ZEB2: variants seen among roughly 807,000 people sequenced by gnomAD.
ZEB2 encodes the protein zinc finger E-box-binding homeobox 2.
ZEB2 carries 6 observed loss-of-function variants against 99.9 expected under a neutral mutation model. That is an observed-to-expected ratio of 0.06 (90% CI 0.03 to 0.12). The LOEUF is 0.12. ZEB2 is among the 10% of genes least tolerant of loss of function. The pLI, the probability that ZEB2 is intolerant of heterozygous loss-of-function variation, is 1.00. For missense variants in ZEB2, 969 were observed against 1,502.8 expected, an observed-to-expected ratio of 0.64 and a Z score of 5.87; for synonymous variants, 517 against 542.5, an observed-to-expected ratio of 0.95 and a Z score of 0.65.
chr2:144,478,049 G>A (rs762034188), intron 2 of ZEB2, among the ~76,000 whole-genome samples: 50 of 152,166 alleles, frequency 3.3e-4, no homozygotes, highest in Non-Finnish European at 6.3e-4. Flanking sequence ...ACCCATGGAT[G>A]CCCAGCCAGG....
chr2:144,396,486 A>C lies in ZEB2; in HGVS notation c.2993T>G (p.Met998Arg). 1 of 1,614,178 alleles carries C rather than the reference A, an allele frequency of 6.2e-7. No homozygotes were observed. The highest frequency in any genetic ancestry group is 8.5e-7 in the Non-Finnish European group (1 of 1,180,004). Residue 998 changes from methionine (M) to arginine (R), a missense_variant, in exon 9 of 10, where the codon ATG (methionine) becomes AGG (arginine). Coordinates refer to ENST00000627532, the MANE Select transcript of ZEB2 (RefSeq NM_014795.4). ...RKKIKKTESG[M>R]YACDLCDKTF... is the part of the protein sequence containing the mutation. The stretch of plus-strand genomic sequence containing the variant: ...CTTGTCACATAAGTCACATGCATAC[A>C]TGCCACTCTCTGTCTTCTTGATCTT...
intron 2 of ZEB2, among the ~76,000 whole-genome samples, chr2:144,452,755 TGA>T (rs1704071294): frequency 6.6e-6 from 1 of 152,098 alleles, no homozygotes; most frequent in African/African-American, 2.4e-5. Flanking sequence ...GTATTTAATC[TGA>T]CACCGCCAGG....
At chr2:144,502,156 T>C (rs1466962276) in intron 2 of ZEB2, among the ~76,000 whole-genome samples, 1 of 152,212 alleles carries the variant, frequency 6.6e-6, no homozygotes, top group Non-Finnish European at 1.5e-5. Context: ...CACCGGTTAT[T>C]AGCAGCAGCA....
intron 2 of ZEB2, among the ~76,000 whole-genome samples, chr2:144,441,068 G>A (rs1350486329): frequency 6.8e-6 from 1 of 147,088 alleles, no homozygotes; most frequent in Non-Finnish European, 1.5e-5. Flanking sequence ...CACCAGACAC[G>A]GCTCTGCTTG....
intron 2 of ZEB2, among the ~76,000 whole-genome samples, chr2:144,489,007 C>T (rs1704639590): frequency 1.3e-5 from 2 of 152,110 alleles, no homozygotes; most frequent in South Asian, 2.1e-4. Flanking sequence ...TTTAAAAAGG[C>T]ATGAATGTTC....
chr2:144,473,053 G>A (rs986774114), intron 2 of ZEB2, among the ~76,000 whole-genome samples: 3 of 152,194 alleles, frequency 2.0e-5, no homozygotes, highest in African/African-American at 7.2e-5. Context: ...TGTGGTGGGA[G>A]AGGGGAAAGA....
chr2:144,407,482 T>C (rs898906763), intron 4 of ZEB2, among the ~76,000 whole-genome samples: 31 of 152,220 alleles, frequency 2.0e-4, no homozygotes, highest in Non-Finnish European at 4.4e-4. Flanking sequence ...ACTGAGCCCC[T>C]ATGGAGTATG....
intron 1 of ZEB2, chr2:144,517,707 G>A (rs1292711794): frequency 8.5e-6 from 6 of 702,856 alleles, no homozygotes; most frequent in South Asian, 1.5e-5. Flanking sequence ...AATGCACACG[G>A]CGGTACAGTA....
In ZEB2 at chr2:144,385,637, A is replaced by G. The variant is rs1363091538; in HGVS notation, c.*3814T>C. The stretch of plus-strand genomic sequence containing the variant: ...ACAATGTGTGGGGCTCCAGATATAC[A>G]CACACTTGTTTGTGTGTATATCCAG... On this transcript the variant is annotated 3_prime_UTR_variant, in exon 10 of 10. Transcript: ENST00000627532. The G allele has an allele frequency of 6.6e-6, 1 of 152,130 alleles. No homozygotes were observed. Among genetic ancestry groups the G allele is most frequent in the African/African-American group, 2.4e-5 (1 of 41,426 alleles). 9.4% of individuals were successfully genotyped at this position (152,130 alleles called of 1,614,324 possible). A position where few individuals can be genotyped will look rare whatever the true frequency, so the allele number is the denominator to read the frequency against.
intron 2 of ZEB2, among the ~76,000 whole-genome samples, chr2:144,473,859 A>C (rs1241666384): frequency 1.3e-5 from 2 of 152,200 alleles, no homozygotes; most frequent in Non-Finnish European, 2.9e-5. Flanking sequence ...ATTCAAGGCA[A>C]GGACATTTTC....
intron 4 of ZEB2, among the ~76,000 whole-genome samples, chr2:144,409,671 C>G (rs928438052): frequency 6.6e-6 from 1 of 152,088 alleles, no homozygotes; most frequent in Non-Finnish European, 1.5e-5. Context: ...GTTAGATAAC[C>G]TTTTCTCTAT....
intron 2 of ZEB2, among the ~76,000 whole-genome samples, chr2:144,505,080 G>GA (rs1174881530): frequency 6.6e-6 from 1 of 150,570 alleles, no homozygotes; most frequent in Non-Finnish European, 1.5e-5. Context: ...ATGTCAGGGG[G>GA]AAAAAACGCA....
chr2:144,487,003 G>A (rs991225279), intron 2 of ZEB2, among the ~76,000 whole-genome samples: 35 of 152,224 alleles, frequency 2.3e-4, no homozygotes, highest in African/African-American at 8.2e-4. Context: ...TACTTAATTT[G>A]ATAGGAAACT....
intron 2 of ZEB2, among the ~76,000 whole-genome samples, chr2:144,486,303 G>A (rs1704596073): frequency 1.3e-5 from 2 of 150,306 alleles, no homozygotes; most frequent in South Asian, 4.2e-4. Flanking sequence ...CATTTTTTTG[G>A]TCGACCTGAA....
chr2:144,475,262 CT>C (rs1421531262), intron 2 of ZEB2, among the ~76,000 whole-genome samples: 1 of 152,154 alleles, frequency 6.6e-6, no homozygotes, highest in Admixed American at 6.6e-5. Flanking sequence ...TCAGATTTCA[CT>C]GCTGTGGGTT....
intron 2 of ZEB2, chr2:144,445,146 CAAT>C (rs2149897514): frequency 6.6e-6 from 1 of 152,118 alleles, no homozygotes; most frequent in African/African-American, 2.4e-5. Flanking sequence ...TCTAAAACAA[CAAT>C]GGCAAGATGG....
At position 144,399,225 on chromosome 2, in the gene ZEB2, G is replaced by T. The variant is rs750288966; in HGVS notation, c.1962C>A (p.Asp654Glu). 6.2e-7 allele frequency: 1 copy of T among 1,614,146 alleles called. No homozygotes were observed. Among genetic ancestry groups the T allele is most frequent in the South Asian group, 1.1e-5 (1 of 91,078 alleles). Residue 654 changes from aspartate to glutamate, a missense_variant, in exon 8 of 10, where the codon GAC (aspartate) becomes GAA (glutamate). Around this residue, in one of 8 missense-constraint regions of ZEB2, gnomAD observed 346 missense variants for 460.0 expected, o/e 0.75. Transcript: ENST00000627532. The surrounding 1 kb of genome is among the most constrained non-coding windows in gnomAD (Gnocchi z 5.6). Reference sequence around the variant, plus strand: ...AGTATGCTTTGAGTACAGACATGTGGTCCTTGTATGGGTTGATGGGGCTTG... The same window carrying T: ...AGTATGCTTTGAGTACAGACATGTGTTCCTTGTATGGGTTGATGGGGCTTG... The part of the protein sequence containing the change: ...GMTSPINPYK[D>E]HMSVLKAYYA...
intron 2 of ZEB2, chr2:144,450,129 A>G (rs1704036815): frequency 6.6e-6 from 1 of 150,576 alleles, no homozygotes; most frequent in Non-Finnish European, 1.5e-5. Flanking sequence ...AACATAGCTT[A>G]GTACTTAATA....
intron 2 of ZEB2, among the ~76,000 whole-genome samples, chr2:144,509,375 G>C (rs1360194778): frequency 6.6e-6 from 1 of 152,148 alleles, no homozygotes; most frequent in Non-Finnish European, 1.5e-5. Context: ...GGGGTGGATA[G>C]GAGGGGTGGA....
Sources: gnomAD v4.1 joint callset for allele counts (sites outside exome capture counted in the v4.1 genomes callset) on GRCh38, gnomAD v4.1.1 for gene constraint, gnomAD v4.1.1 regional missense constraint, Gnocchi (gnomAD v3.1) non-coding constraint, MANE v1.5 for transcripts, NCBI Gene and HGNC (gene_info 2026-07-23, HGNC 2026-07-21) for gene names.